The following SRCIN1 variants were observed in gnomAD, a reference collection of about 807,000 sequenced individuals.
SRCIN1 encodes the protein P130Cas-associated protein.
SRCIN1 carries 50 observed loss-of-function variants against 116.2 expected under a neutral mutation model. The ratio of observed to expected loss-of-function variants is 0.43; its 90% CI spans 0.34 to 0.54. The LOEUF (loss-of-function observed/expected upper bound fraction) is 0.54. Ranked by LOEUF, SRCIN1 falls within the 20% of genes least tolerant of loss-of-function variation. SRCIN1 has a pLI of 0.02. For synonymous variants in SRCIN1, 736 were observed against 750.0 expected, an observed-to-expected ratio of 0.98 and a Z score of 0.30; for missense variants, 1,446 against 1,672.0, an observed-to-expected ratio of 0.86 and a Z score of 2.36.
In SRCIN1 at chr17:38,562,105, C is replaced by A; in HGVS notation, c.1058G>T (p.Gly353Val). 1 of 1,421,692 alleles carries A rather than the reference C, an allele frequency of 7.0e-7. No individual in the cohort carries two copies. Among genetic ancestry groups the A allele is most frequent in the Non-Finnish European group, 9.1e-7 (1 of 1,094,650 alleles). The allele number at this position is 1,421,692 out of a possible 1,614,324, so 88.1% of individuals were successfully genotyped here. A position where few individuals can be genotyped will look rare whatever the true frequency, so the allele number is the denominator to read the frequency against. Reference protein sequence around the residue: ...SPVHHAAERLGGAPAAQGVSP... With the variant: ...SPVHHAAERLVGAPAAQGVSP... ...GACGCCCTGGGCGGCCGGGGCGCCT[C>A]CCAGCCTCTCGGCCGCGTGGTGCAC... The change falls in exon 7 of 19, where the codon GGA (glycine) becomes GTA (valine). Residue 353 changes from glycine (G) to valine (V), a missense_variant. Physicochemically the swap from Gly to Val is moderately radical, Grantham distance 109. Transcript: ENST00000617146. This position sits in a 1 kb window ranked among gnomAD's most constrained non-coding sequence, Gnocchi z 4.2.
Position 38,568,296 on chromosome 17 carries a change from G to T in SRCIN1, c.325-65C>A, listed in dbSNP as rs1475477204. 1.9e-6 allele frequency: 3 copies of T among 1,550,504 alleles called. No homozygotes were observed. In the African/African-American group the frequency reaches 4.1e-5, roughly 21 times the overall value. ...CCCAGGAGGGGAAAAGAGGGGCAGG[G>T]GCAGGTTAGAGACCCTTGGAACTCA... On this transcript the variant is annotated intron_variant, in intron 2 of 18. Transcript: ENST00000617146. This position sits in a 1 kb window ranked among gnomAD's most constrained non-coding sequence, Gnocchi z 4.5.
chr17:38,533,348 A>G lies in SRCIN1; in HGVS notation c.3501T>C (p.Ser1167=), dbSNP rs1469931542. ...CCCCAAAGGAAGTCAATACAGGGATAGAGGTTCTGGAAGCCGAGGGCTTTT... is the reference window on the plus strand; with the variant it reads ...CCCCAAAGGAAGTCAATACAGGGATGGAGGTTCTGGAAGCCGAGGGCTTTT... ...VSEKPSASRT[S]IPVLTSFGAR... Residue 1167 remains serine (S), a synonymous_variant, in exon 19 of 19, where the codon TCT becomes TCC. Coordinates refer to ENST00000617146, the MANE Select transcript of SRCIN1 (RefSeq NM_025248.3). 1 of 1,603,946 alleles carries G rather than the reference A, an allele frequency of 6.2e-7. No individual in the cohort carries two copies. The highest frequency in any genetic ancestry group is 2.2e-5 in the East Asian group (1 of 44,570).
chr17:38,596,199 GGA>G (rs1445424041), intron 1 of SRCIN1, among the ~76,000 whole-genome samples: 6 of 152,244 alleles, frequency 3.9e-5, no homozygotes, highest in Non-Finnish European at 8.8e-5. Context: ...CAGAGGAGCT[GGA>G]GAGAGGAGGG....
intron 1 of SRCIN1, among the ~76,000 whole-genome samples, chr17:38,593,662 G>A (rs567510522): frequency 6.6e-6 from 1 of 152,274 alleles, no homozygotes; most frequent in Non-Finnish European, 1.5e-5. Flanking sequence ...CTCCCAGGAA[G>A]CACCCAATAA....
chr17:38,565,732 C>T (rs1312128249), intron 3 of SRCIN1, among the ~76,000 whole-genome samples: 1 of 152,210 alleles, frequency 6.6e-6, no homozygotes, highest in Non-Finnish European at 1.5e-5. Flanking sequence ...GGGCAGTATG[C>T]CCAGCTGTCC....
intron 2 of SRCIN1, among the ~76,000 whole-genome samples, chr17:38,570,412 T>C (rs2143262158): frequency 6.6e-6 from 1 of 152,120 alleles, no homozygotes; most frequent in Non-Finnish European, 1.5e-5. Flanking sequence ...CCACTCACAG[T>C]GAGAGACACA....
intron 1 of SRCIN1, among the ~76,000 whole-genome samples, chr17:38,597,875 C>T (rs1431474013): frequency 6.6e-6 from 1 of 152,154 alleles, no homozygotes; most frequent in Non-Finnish European, 1.5e-5. Flanking sequence ...CTGTTCTAAC[C>T]CCAGGCTGCC....
chr17:38,548,607 A>G lies in SRCIN1; in HGVS notation c.3220T>C (p.Ser1074Pro). Reference sequence around the variant, plus strand: ...TCGTCATCCTCGTCCTTGATGGCCGAGGCCATGATGGGTGGTGTGGAGGCT... The same window carrying G: ...TCGTCATCCTCGTCCTTGATGGCCGGGGCCATGATGGGTGGTGTGGAGGCT... Reference protein sequence around the residue: ...RPASTPPIMASAIKDEDDEDR... With the variant: ...RPASTPPIMAPAIKDEDDEDR... The change falls in exon 17 of 19, where the codon TCG becomes CCG. Residue 1074 changes from serine to proline, a missense_variant. Physicochemically the swap from Ser to Pro is moderately conservative, Grantham distance 74 (BLOSUM62 -1). Transcript: ENST00000617146. 1 of 1,613,106 alleles carries G rather than the reference A, an allele frequency of 6.2e-7. No individual in the cohort carries two copies. Among genetic ancestry groups the G allele is most frequent in the Non-Finnish European group, 8.5e-7 (1 of 1,179,796 alleles).
chr17:38,600,013 A>G (rs540272847), intron 1 of SRCIN1, among the ~76,000 whole-genome samples: 8 of 152,324 alleles, frequency 5.3e-5, no homozygotes, highest in Admixed American at 1.3e-4. Flanking sequence ...ATTGTTTAGT[A>G]TATGTCCGGC....
intron 1 of SRCIN1, among the ~76,000 whole-genome samples, chr17:38,594,962 G>C (rs1908644369): frequency 6.6e-6 from 1 of 152,164 alleles, no homozygotes; most frequent in Admixed American, 6.5e-5. Flanking sequence ...TGGAGGCCAA[G>C]TAACTGCTTG....
intron 3 of SRCIN1, among the ~76,000 whole-genome samples, chr17:38,565,056 A>G (rs1906591704): frequency 6.6e-6 from 1 of 152,068 alleles, no homozygotes; most frequent in African/African-American, 2.4e-5. Flanking sequence ...GGAGCCTCTG[A>G]GTGACGGCAG....
In SRCIN1 at chr17:38,561,691, G is replaced by T; in HGVS notation, c.1472C>A (p.Pro491Gln). The change falls in exon 7 of 19, where the codon CCG (proline) becomes CAG (glutamine). Residue 491 changes from proline to glutamine, a missense_variant. Coordinates refer to ENST00000617146, the MANE Select transcript of SRCIN1 (RefSeq NM_025248.3). ...VAAPPGGPPP[P>Q]HSPYSGPPSR... ...GGGCGGCCCCGAGTAGGGGCTGTGC[G>T]GTGGCGGGGGACCTCCGGGGGGTGC... The T allele has an allele frequency of 6.4e-7, 1 of 1,550,580 alleles. No homozygotes were observed. The highest frequency in any genetic ancestry group is 8.7e-7 in the Non-Finnish European group (1 of 1,152,668).
intron 18 of SRCIN1, among the ~76,000 whole-genome samples, chr17:38,534,596 G>C (rs11658995): frequency 0.22 from 33,150 of 152,098 alleles, 3,931 homozygotes; most frequent in Middle Eastern, 0.29. Context: ...GGGCAGGGTC[G>C]TTCACTTCCC....
rs1909142915 is a variant in SRCIN1 at position 38,602,977 on chromosome 17, GAGCCC to G, written c.22+2702_22+2706del. ...GGCTCAACAAACTGGGTACTTCAAAGAGCCCAGCCGCCTCCCTCCTAAGCACTTCC... is the reference window on the plus strand; with the variant it reads ...GGCTCAACAAACTGGGTACTTCAAAGAGCCGCCTCCCTCCTAAGCACTTCC... On this transcript the variant is annotated intron_variant, in intron 1 of 18. Transcript: ENST00000617146. The surrounding 1 kb of genome is among the most constrained non-coding windows in gnomAD (Gnocchi z 4.2). Among the ~76,000 whole-genome samples the G allele has an allele frequency of 6.6e-6, 1 of 151,346 alleles. No homozygotes were observed. The highest frequency in any genetic ancestry group is 2.4e-5 in the African/African-American group (1 of 41,170).
chr17:38,550,977 G>A (rs1029564624), intron 15 of SRCIN1, among the ~76,000 whole-genome samples, 178 bp downstream of exon 15: 7 of 152,236 alleles, frequency 4.6e-5, no homozygotes, highest in African/African-American at 1.7e-4. Flanking sequence ...AGTCCAGCTT[G>A]CCCTGTCCTT....
At chr17:38,575,189 C>T (rs910375549) in intron 2 of SRCIN1, among the ~76,000 whole-genome samples, 8 of 152,196 alleles carry the variant, frequency 5.3e-5, no homozygotes, top group Admixed American at 1.3e-4. Flanking sequence ...TTCTGTTAGA[C>T]CTGGGGGTTC....
intron 18 of SRCIN1, among the ~76,000 whole-genome samples, chr17:38,535,209 C>CTTTTTTTTTTTT (rs71138630): frequency 7.8e-6 from 1 of 128,930 alleles, no homozygotes; most frequent in African/African-American, 3.0e-5. Context: ...CTTTTTCTTT[C>CTTTTTTTTTTTT]TTTTTTTTTT....
intron 1 of SRCIN1, among the ~76,000 whole-genome samples, chr17:38,595,491 C>G (rs1034315009): frequency 6.6e-6 from 1 of 152,236 alleles, no homozygotes; most frequent in African/African-American, 2.4e-5. Flanking sequence ...GCTGGGATTA[C>G]AGGCGTGAGC....
intron 17 of SRCIN1, chr17:38,547,683 C>T (rs1905148100): frequency 3.6e-6 from 1 of 275,270 alleles, no homozygotes; most frequent in Non-Finnish European, 7.2e-6. Flanking sequence ...AGCGGGTTAG[C>T]GTGGGAGGTG....
Sources: gnomAD v4.1 joint callset for allele counts (sites outside exome capture counted in the v4.1 genomes callset) on GRCh38, gnomAD v4.1.1 for gene constraint, Gnocchi (gnomAD v3.1) non-coding constraint, MANE v1.5 for transcripts, NCBI Gene and HGNC (gene_info 2026-07-23, HGNC 2026-07-21) for gene names.